PPFIA2: variants seen among roughly 807,000 people sequenced by gnomAD.
PPFIA2 encodes liprin-alpha-2.
PPFIA2 carries 46 observed loss-of-function variants against 175.5 expected under a neutral mutation model. The observed-to-expected ratio is 0.26, with a 90% confidence interval of 0.21 to 0.34. The LOEUF (loss-of-function observed/expected upper bound fraction) is 0.34, where lower values mean the gene tolerates loss of function less well. Among genes scored for constraint, PPFIA2 ranks in the 10% least tolerant of loss-of-function variants. The pLI, the probability that PPFIA2 is intolerant of heterozygous loss-of-function variation, is 1.00. For missense variants in PPFIA2, 1,179 were observed against 1,506.1 expected (o/e 0.78, Z 3.60); for synonymous variants, 568 against 511.4 (o/e 1.11, Z -1.49).
At chr12:81,368,375 T>G (rs1194085831) in intron 13 of PPFIA2, among the ~76,000 whole-genome samples, 1 of 151,678 alleles carries the variant, frequency 6.6e-6, no homozygotes, top group East Asian at 1.9e-4. Context: ...TCAAATCACC[T>G]TCCCCCCAAA....
At chr12:81,539,868 A>C (rs137942419) in intron 4 of PPFIA2, among the ~76,000 whole-genome samples, 514 of 152,114 alleles carry the variant, frequency 3.4e-3, no homozygotes, top group Middle Eastern at 6.8e-3. Context: ...CATTGCTGTT[A>C]GGTGTGATTG....
chr12:81,488,352 G>A (rs998520612), intron 4 of PPFIA2, among the ~76,000 whole-genome samples: 1 of 151,486 alleles, frequency 6.6e-6, no homozygotes, highest in African/African-American at 2.4e-5. Flanking sequence ...TGCCATTTTT[G>A]GGAGGTTTTC....
intron 4 of PPFIA2, among the ~76,000 whole-genome samples, chr12:81,579,132 T>C (rs911887524): frequency 2.0e-5 from 3 of 151,794 alleles, no homozygotes; most frequent in Admixed American, 2.0e-4. Context: ...TAATATTACA[T>C]TTTTTGTATC....
At chr12:81,707,259 C>T (rs962604602) in intron 3 of PPFIA2, among the ~76,000 whole-genome samples, 2 of 151,734 alleles carry the variant, frequency 1.3e-5, no homozygotes, top group Non-Finnish European at 2.9e-5. Context: ...AGAAAATTTT[C>T]ACAACCTACT....
At chr12:81,677,399 TAAC>T (rs768069198) in intron 3 of PPFIA2, among the ~76,000 whole-genome samples, 1 of 151,982 alleles carries the variant, frequency 6.6e-6, no homozygotes, top group South Asian at 2.1e-4. Context: ...AAATTATTGT[TAAC>T]AACAGTCGCC....
chr12:81,631,239 A>G (rs1365516386), intron 4 of PPFIA2, among the ~76,000 whole-genome samples: 3 of 152,062 alleles, frequency 2.0e-5, no homozygotes, highest in Admixed American at 2.0e-4. Context: ...ATTATTAGAT[A>G]TTGATTTTAA....
At chr12:81,485,302 T>G (rs1159737963) in intron 4 of PPFIA2, among the ~76,000 whole-genome samples, 1 of 151,762 alleles carries the variant, frequency 6.6e-6, no homozygotes, top group Admixed American at 6.6e-5. Context: ...CAGGTTATGT[T>G]TTTCTTTTCA....
At chr12:81,456,655 C>T (rs1437831050) in intron 5 of PPFIA2, among the ~76,000 whole-genome samples, 1 of 152,178 alleles carries the variant, frequency 6.6e-6, no homozygotes, top group East Asian at 1.9e-4. Flanking sequence ...CTTACATCCA[C>T]ATAGAAGTGG....
chr12:81,435,810 AT>A (rs2048882399), intron 7 of PPFIA2, among the ~76,000 whole-genome samples: 2 of 152,110 alleles, frequency 1.3e-5, no homozygotes, highest in African/African-American at 4.8e-5. Flanking sequence ...TCAGAAAAAA[AT>A]GTTTGGATAA....
At chr12:81,693,673 G>T (rs1567889759) in intron 3 of PPFIA2, among the ~76,000 whole-genome samples, 1 of 152,118 alleles carries the variant, frequency 6.6e-6, no homozygotes, top group Non-Finnish European at 1.5e-5. Context: ...GTGTAACTGG[G>T]TAACGGGCAG....
chr12:81,284,234 G>A lies in PPFIA2; in HGVS notation c.2988+7C>T. On this transcript the variant is annotated splice_region_variant and intron_variant, in intron 25 of 32. Coordinates refer to ENST00000549396, the MANE Select transcript of PPFIA2 (RefSeq NM_003625.5). ...CCTTCAGGTTCAACAAAGCCATTAAGACTAACCGTTTTTGCTGGAGCTGCA... is the reference window on the plus strand; with the variant it reads ...CCTTCAGGTTCAACAAAGCCATTAAAACTAACCGTTTTTGCTGGAGCTGCA... 6.4e-7 allele frequency: 1 copy of A among 1,568,596 alleles called. No individual in the cohort carries two copies. Among genetic ancestry groups the A allele is most frequent in the East Asian group, 2.2e-5 (1 of 44,542 alleles).
At chr12:81,467,645 T>C (rs1250497823) in intron 4 of PPFIA2, among the ~76,000 whole-genome samples, 2 of 152,216 alleles carry the variant, frequency 1.3e-5, no homozygotes, top group Non-Finnish European at 2.9e-5. Context: ...TATTATCGTC[T>C]CCTCATCTCT....
At position 81,290,311 on chromosome 12, in the gene PPFIA2, G is replaced by A. The variant is rs1594010702; in HGVS notation, c.2925+4524C>T. Among the ~76,000 whole-genome samples the A allele has an allele frequency of 4.6e-5, 7 of 151,590 alleles. No individual in the cohort carries two copies. The South Asian group carries it at 1.5e-3, about 31-fold the overall frequency. On this transcript the variant is annotated intron_variant, in intron 24 of 32. Transcript: ENST00000549396. ...GTAAGTGTGAATTCTAATACATAATGTTAGGTTATGACTTTATGTAGTGGA... is the reference window on the plus strand; with the variant it reads ...GTAAGTGTGAATTCTAATACATAATATTAGGTTATGACTTTATGTAGTGGA...
intron 4 of PPFIA2, among the ~76,000 whole-genome samples, chr12:81,487,080 A>T (rs2058907007): frequency 6.6e-6 from 1 of 151,888 alleles, no homozygotes; most frequent in African/African-American, 2.4e-5. Context: ...AGGAAAGAAA[A>T]ACACGTGATC....
chr12:81,386,357 C>T (rs2038962363), intron 8 of PPFIA2, among the ~76,000 whole-genome samples: 1 of 151,604 alleles, frequency 6.6e-6, no homozygotes, highest in Non-Finnish European at 1.5e-5. Flanking sequence ...TATGTGGTGG[C>T]TGGCTCTTGT....
intron 4 of PPFIA2, among the ~76,000 whole-genome samples, chr12:81,540,315 A>T (rs1021733054): frequency 1.3e-5 from 2 of 152,070 alleles, no homozygotes; most frequent in African/African-American, 4.8e-5. Context: ...GAATGGAAAG[A>T]GCTATGTTTT....
chr12:81,541,185 T>C (rs1453250474), intron 4 of PPFIA2, among the ~76,000 whole-genome samples: 1 of 152,148 alleles, frequency 6.6e-6, no homozygotes, highest in Non-Finnish European at 1.5e-5. Context: ...TAAAACTATT[T>C]AGGCTGCTAC....
At chr12:81,664,978 A>G (rs1447078222) in intron 4 of PPFIA2, among the ~76,000 whole-genome samples, 2 of 147,824 alleles carry the variant, frequency 1.4e-5, no homozygotes, top group Non-Finnish European at 1.5e-5. Context: ...ATAGGTGGGA[A>G]TTGAACAATG....
At chr12:81,453,498 C>T (rs1451012119) in intron 5 of PPFIA2, among the ~76,000 whole-genome samples, 1 of 151,896 alleles carries the variant, frequency 6.6e-6, no homozygotes, top group East Asian at 1.9e-4. Context: ...TAAATATAAC[C>T]TTCTGTAAAT....
Sources: gnomAD v4.1 joint callset for allele counts (sites outside exome capture counted in the v4.1 genomes callset) on GRCh38, gnomAD v4.1.1 for gene constraint, MANE v1.5 for transcripts, NCBI Gene and HGNC (gene_info 2026-07-23, HGNC 2026-07-21) for gene names.